The following ZRANB1 variants were observed in gnomAD, a reference collection of about 807,000 sequenced individuals.
ZRANB1 encodes zinc finger RANBP2-type containing 1.
In ZRANB1, 16 loss-of-function variants were observed where a neutral mutation model predicts 80.5. The ratio of observed to expected loss-of-function variants is 0.20; its 90% CI spans 0.13 to 0.30. The LOEUF (loss-of-function observed/expected upper bound fraction) is 0.30. Ranked by LOEUF, ZRANB1 falls within the 10% of genes least tolerant of loss-of-function variation. The probability of loss-of-function intolerance (pLI) is 1.00; values close to 1 mark genes in which losing one functional copy is unlikely to be tolerated. For missense variants in ZRANB1, 576 were observed against 862.6 expected (o/e 0.67, Z 4.16); for synonymous variants, 291 against 293.1 (o/e 0.99, Z 0.07).
chr10:124,925,338 C>G, the ZRANB1 span, among the ~76,000 whole-genome samples: 1 of 152,022 alleles, frequency 6.6e-6, no homozygotes, highest in Admixed American at 6.6e-5. Context: ...TTTGCATTTC[C>G]CTAATGACTA....
At chr10:124,972,232 A>G (rs1277412043) in intron 3 of ZRANB1, 114 bp downstream of exon 3, 2 of 947,708 alleles carry the variant, frequency 2.1e-6, no homozygotes, top group South Asian at 1.8e-5. Context: ...CTGTATGTGC[A>G]TCTTAAATTA....
chr10:124,981,868 G>A lies in ZRANB1; in HGVS notation c.1548+39G>A, dbSNP rs915090717. The A allele has an allele frequency of 2.5e-6, 4 of 1,610,332 alleles. No homozygotes were observed. In the African/African-American group the frequency reaches 5.4e-5, roughly 22 times the overall value. ...AAGTCTTGTTGCTTCTATGAGAAAA[G>A]TAAGCATGTAGTCTAAACTGGTTTA... On this transcript the variant is annotated intron_variant, in intron 6 of 8. Coordinates refer to ENST00000359653, the MANE Select transcript of ZRANB1 (RefSeq NM_017580.3).
At chr10:124,971,824 A>T in intron 2 of ZRANB1, 141 bp from the exon 3 acceptor site, 1 of 691,602 alleles carries the variant, frequency 1.4e-6, no homozygotes, top group Non-Finnish European at 2.2e-6. Flanking sequence ...TTTCATTGGT[A>T]AGGAAATAAT....
At chr10:124,944,804 G>T (rs545325250) in intron 1 of ZRANB1, among the ~76,000 whole-genome samples, 1 of 152,092 alleles carries the variant, frequency 6.6e-6, no homozygotes, top group South Asian at 2.1e-4. Context: ...GAAATCCTGA[G>T]TTTTCAATTT....
Position 124,984,006 on chromosome 10 carries a change from G to A in ZRANB1, c.1908+318G>A, listed in dbSNP as rs1001861547. 2.0e-5 allele frequency among the ~76,000 whole-genome samples: 3 copies of A among 152,150 alleles called. No homozygotes were observed. The East Asian group carries it at 5.8e-4, about 29-fold the overall frequency. Reference sequence around the variant, plus strand: ...GAGTTCCAAGAATTGCAAGGCCAGTGTGGTTTAAGAGGGGAAGCAACAGGG... The same window carrying A: ...GAGTTCCAAGAATTGCAAGGCCAGTATGGTTTAAGAGGGGAAGCAACAGGG... On this transcript the variant is annotated intron_variant, in intron 8 of 8. Transcript: ENST00000359653.
intron 2 of ZRANB1, among the ~76,000 whole-genome samples, chr10:124,971,289 A>G (rs1229443096): frequency 6.6e-6 from 1 of 152,278 alleles, no homozygotes; most frequent in Non-Finnish European, 1.5e-5. Context: ...AAAAAATAAC[A>G]AAAGAAAGTT....
rs1015743495 is a variant in ZRANB1, at chr10:124,955,842, C to A, written c.815-10752C>A. Among the ~76,000 whole-genome samples, 5 of 152,154 alleles carry A rather than the reference C, an allele frequency of 3.3e-5. No homozygotes were observed. The East Asian group carries it at 9.6e-4, about 29-fold the overall frequency. ...GAACACACATGCCTGTGTGCACACT[C>A]ACACTTTTCACCTCTTCCCTTTCTA... On this transcript the variant is annotated intron_variant, in intron 1 of 8. Transcript: ENST00000359653.
chr10:124,953,204 G>C (rs955261481), intron 1 of ZRANB1, among the ~76,000 whole-genome samples: 4 of 152,034 alleles, frequency 2.6e-5, no homozygotes, highest in Non-Finnish European at 5.9e-5. Context: ...GGGATTACAG[G>C]CGTGAGCCAC....
At chr10:124,949,521 ACAT>A (rs750489962) in intron 1 of ZRANB1, among the ~76,000 whole-genome samples, 30 of 119,772 alleles carry the variant, frequency 2.5e-4, no homozygotes, top group African/African-American at 4.9e-4. Flanking sequence ...ACACACACAC[ACAT>A]TTTTTTTTTT....
the ZRANB1 span, among the ~76,000 whole-genome samples, chr10:124,922,818 G>A: frequency 0.14 from 20,733 of 151,894 alleles, 1,634 homozygotes; most frequent in African/African-American, 0.21. Flanking sequence ...GTATTCAGCC[G>A]TGGTAAGCCA....
Position 124,984,985 on chromosome 10 carries a change from ATG to A in ZRANB1, c.2121_2122del (p.Asp707GlufsTer17). 6.2e-7 allele frequency: 1 copy of A among 1,606,016 alleles called. No homozygotes were observed. The highest frequency in any genetic ancestry group is 1.7e-5 in the Admixed American group (1 of 59,008). ...GGAGAGGAAGATGAGGATGATGAAGATGAATGAAAAAAAAAATCAAACAGCAG... is the reference window on the plus strand; with the variant it reads ...GGAGAGGAAGATGAGGATGATGAAGAAATGAAAAAAAAAATCAAACAGCAG... On this transcript the variant is annotated frameshift_variant, in exon 9 of 9. Transcript: ENST00000359653. LOFTEE classifies it high-confidence loss of function.
intron 5 of ZRANB1, among the ~76,000 whole-genome samples, chr10:124,975,351 G>T (rs568412411): frequency 6.6e-6 from 1 of 152,170 alleles, no homozygotes; most frequent in Non-Finnish European, 1.5e-5. Flanking sequence ...TAGACATCAT[G>T]ATGCTTTACC....
At chr10:124,923,193 A>G in the ZRANB1 span, among the ~76,000 whole-genome samples, 20 of 152,190 alleles carry the variant, frequency 1.3e-4, no homozygotes, top group Admixed American at 1.1e-3. Flanking sequence ...AGGCTGAGGC[A>G]GGAGAATTGC....
chr10:124,976,130 G>A (rs915017791), intron 5 of ZRANB1, among the ~76,000 whole-genome samples: 5 of 152,196 alleles, frequency 3.3e-5, no homozygotes, highest in East Asian at 1.9e-4. Flanking sequence ...GTGTCACTCC[G>A]GTAGTTTTAG....
chr10:124,936,545 G>A, the ZRANB1 span, among the ~76,000 whole-genome samples: 32 of 152,324 alleles, frequency 2.1e-4, no homozygotes, highest in African/African-American at 7.5e-4. Context: ...GCCCTGAAAT[G>A]AGGTTAGATT....
At chr10:124,961,891 C>T (rs907520588) in intron 1 of ZRANB1, among the ~76,000 whole-genome samples, 5 of 152,132 alleles carry the variant, frequency 3.3e-5, no homozygotes, top group Non-Finnish European at 7.4e-5. Context: ...AGCACTGTTA[C>T]TAGGAATAGA....
chr10:124,973,802 A>C, intron 4 of ZRANB1, 86 bp downstream of exon 4: 1 of 1,177,798 alleles, frequency 8.5e-7, no homozygotes, highest in Non-Finnish European at 1.2e-6. Flanking sequence ...TTTGGTGTGT[A>C]GTCAACTTGC....
chr10:124,973,792 T>C (rs1951848753), intron 4 of ZRANB1, 76 bp downstream of exon 4: 1 of 1,302,932 alleles, frequency 7.7e-7, no homozygotes. Flanking sequence ...CATGGTGTAG[T>C]TTGGTGTGTA....
At chr10:124,968,542 G>A (rs932042139) in intron 2 of ZRANB1, among the ~76,000 whole-genome samples, 1 of 152,188 alleles carries the variant, frequency 6.6e-6, no homozygotes, top group Non-Finnish European at 1.5e-5. Context: ...AGGGATCCAG[G>A]TTTTGGAACA....
Sources: gnomAD v4.1 joint callset for allele counts (sites outside exome capture counted in the v4.1 genomes callset) on GRCh38, gnomAD v4.1.1 for gene constraint, MANE v1.5 for transcripts, NCBI Gene and HGNC (gene_info 2026-07-23, HGNC 2026-07-21) for gene names.